The following NFAT5 variants were observed in gnomAD, a reference collection of about 807,000 sequenced individuals.
The protein encoded by NFAT5 is nuclear factor of activated T-cells 5.
NFAT5 carries 31 observed loss-of-function variants against 166.5 expected under a neutral mutation model. The observed-to-expected ratio is 0.19, with a 90% CI of 0.14 to 0.25. NFAT5 has a LOEUF of 0.25. Among genes scored for constraint, NFAT5 ranks in the 10% least tolerant of loss-of-function variants. The probability of loss-of-function intolerance (pLI) is 1.00; values close to 1 mark genes in which losing one functional copy is unlikely to be tolerated. For missense variants in NFAT5, 1,449 were observed against 1,821.8 expected (o/e 0.80, Z 3.72); for synonymous variants, 612 against 639.7 (o/e 0.96, Z 0.65).
chr16:69,675,999 C>A (rs1424223868), intron 9 of NFAT5, among the ~76,000 whole-genome samples: 1 of 152,122 alleles, frequency 6.6e-6, no homozygotes, highest in African/African-American at 2.4e-5. Context: ...GGCTCAGAAA[C>A]AAATTAAATT....
At chr16:69,621,548 T>C (rs1190943802) in intron 2 of NFAT5, among the ~76,000 whole-genome samples, 1 of 152,216 alleles carries the variant, frequency 6.6e-6, no homozygotes, top group Non-Finnish European at 1.5e-5. Flanking sequence ...CTTGTGTTTA[T>C]AAACCTGGAA....
intron 2 of NFAT5, among the ~76,000 whole-genome samples, chr16:69,601,468 A>G (rs541524329): frequency 6.8e-4 from 103 of 152,264 alleles, no homozygotes; most frequent in Non-Finnish European, 1.2e-3. Context: ...CCTGGGCTCA[A>G]GTGATTCTCC....
intron 7 of NFAT5, among the ~76,000 whole-genome samples, chr16:69,660,258 C>A (rs906882901): frequency 1.3e-5 from 2 of 151,936 alleles, no homozygotes; most frequent in African/African-American, 4.8e-5. Context: ...CCTGTCTCTA[C>A]AAAATAAAAA....
At chr16:69,676,065 T>G (rs1197112476) in intron 9 of NFAT5, among the ~76,000 whole-genome samples, 3 of 152,222 alleles carry the variant, frequency 2.0e-5, no homozygotes, top group Non-Finnish European at 4.4e-5. Flanking sequence ...TCTATTCAAC[T>G]GAGTCAACGA....
chr16:69,603,350 T>C (rs976229917), intron 2 of NFAT5, among the ~76,000 whole-genome samples: 2 of 152,196 alleles, frequency 1.3e-5, no homozygotes, highest in Non-Finnish European at 2.9e-5. Flanking sequence ...ACTGAAACTT[T>C]TATGATTATC....
Position 69,693,067 on chromosome 16 carries a change from A to G in NFAT5, c.3242A>G (p.Gln1081Arg). ...CTTCAATCTGGAAATTTTTTGCAGC[A>G]GTCTTCTCATTCACAGGCCCAACTT... ...MSLQSGNFLQ[Q>R]SSHSQAQLFH... Residue 1081 changes from glutamine to arginine, a missense_variant, in exon 13 of 15, where the codon CAG becomes CGG. Transcript: ENST00000349945. The G allele has an allele frequency of 6.2e-7, 1 of 1,613,994 alleles. No individual in the cohort carries two copies. Among genetic ancestry groups the G allele is most frequent in the East Asian group, 2.2e-5 (1 of 44,886 alleles).
At chr16:69,597,472 G>A (rs76482479) in intron 2 of NFAT5, among the ~76,000 whole-genome samples, 2 of 152,264 alleles carry the variant, frequency 1.3e-5, no homozygotes, top group East Asian at 3.9e-4. Context: ...GGTGAACTCT[G>A]GAGATCAGTT....
chr16:69,648,468 A>AT (rs1446978590), intron 4 of NFAT5: 3 of 984,148 alleles, frequency 3.0e-6, no homozygotes, highest in Non-Finnish European at 3.6e-6. Context: ...TAAATCACTC[A>AT]TTTTTTTTCT....
chr16:69,595,984 C>T (rs908310072), intron 2 of NFAT5, among the ~76,000 whole-genome samples: 32 of 152,138 alleles, frequency 2.1e-4, no homozygotes, highest in African/African-American at 7.2e-4. Context: ...CAGAAAATTT[C>T]ATCATGCTAC....
At position 69,694,384 on chromosome 16, in the gene NFAT5, A is replaced by G. The variant is rs1054171917; in HGVS notation, c.4414+145A>G. 24 of 656,534 alleles carry G rather than the reference A, an allele frequency of 3.7e-5. No individual in the cohort carries two copies. In the Admixed American group the frequency reaches 4.8e-4, roughly 13 times the overall value. 40.7% of individuals were successfully genotyped at this position (656,534 alleles called of 1,614,324 possible). A position where few individuals can be genotyped will look rare whatever the true frequency, so the allele number is the denominator to read the frequency against. ...ATTCTCCTGCCTCAGCCTCCCAAGC[A>G]GCTGGGATTACAGGTGTGCACAACC... On this transcript the variant is annotated intron_variant, in intron 13 of 14. Coordinates refer to ENST00000349945, the MANE Select transcript of NFAT5 (RefSeq NM_138713.4).
At chr16:69,655,838 T>G in intron 6 of NFAT5, 39 bp downstream of exon 6, 8 of 1,489,434 alleles carry the variant, frequency 5.4e-6, no homozygotes, top group Non-Finnish European at 7.3e-6. Context: ...TACATTACAC[T>G]CTTGTGTTAG....
rs2037914355 is a variant in NFAT5, at chr16:69,702,448, A to C, written c.*6097A>C. The C allele has an allele frequency of 6.6e-6, 1 of 152,236 alleles. No individual in the cohort carries two copies. The highest frequency in any genetic ancestry group is 1.5e-5 in the Non-Finnish European group (1 of 68,038). 9.4% of individuals were successfully genotyped at this position (152,236 alleles called of 1,614,324 possible). A position where few individuals can be genotyped will look rare whatever the true frequency, so the allele number is the denominator to read the frequency against. ...ACATGTTTGGGAATTCATTAAAACCAGTTGTCTATATATTTTGTGCCATGT... is the reference window on the plus strand; with the variant it reads ...ACATGTTTGGGAATTCATTAAAACCCGTTGTCTATATATTTTGTGCCATGT... On this transcript the variant is annotated 3_prime_UTR_variant, in exon 15 of 15. Coordinates refer to ENST00000349945, the MANE Select transcript of NFAT5 (RefSeq NM_138713.4).
chr16:69,669,405 C>T (rs761023225), intron 7 of NFAT5, among the ~76,000 whole-genome samples: 3 of 151,992 alleles, frequency 2.0e-5, no homozygotes, highest in Non-Finnish European at 4.4e-5. Flanking sequence ...ATTAGCTGGG[C>T]GTGGTAGTGT....
rs2016068268 is a variant in NFAT5 at position 69,566,714 on chromosome 16, G to C, written c.73+340G>C. On this transcript the variant is annotated intron_variant, in intron 1 of 14. Transcript: ENST00000349945. This position sits in a 1 kb window ranked among gnomAD's most constrained non-coding sequence, Gnocchi z 5.7. ...GCCGGCCCCGGCCTCCCGGGCTCGG[G>C]GATGGCCCCAGACTGGGCCCCGCGC... Among the ~76,000 whole-genome samples, 1 of 152,104 alleles carries C rather than the reference G, an allele frequency of 6.6e-6. No individual in the cohort carries two copies. Among genetic ancestry groups the C allele is most frequent in the Non-Finnish European group, 1.5e-5 (1 of 67,996 alleles).
Position 69,701,735 on chromosome 16 carries a change from A to T in NFAT5, c.*5384A>T, listed in dbSNP as rs1438736260. On this transcript the variant is annotated 3_prime_UTR_variant, in exon 15 of 15. Coordinates refer to ENST00000349945, the MANE Select transcript of NFAT5 (RefSeq NM_138713.4). ...GAAAGTGTTGAAAGCATTTTCTCTG[A>T]TGTTAATTAGATGGAAATAAATCAC... 1 of 152,192 alleles carries T rather than the reference A, an allele frequency of 6.6e-6. No homozygotes were observed. The highest frequency in any genetic ancestry group is 1.5e-5 in the Non-Finnish European group (1 of 68,028). 9.4% of individuals were successfully genotyped at this position (152,192 alleles called of 1,614,324 possible).
Position 69,647,242 on chromosome 16 carries a change from G to A in NFAT5, c.468G>A (p.Arg156=), listed in dbSNP as rs1372359943. Residue 156 remains arginine, a synonymous_variant, in exon 4 of 15, where the codon AGG becomes AGA. Coordinates refer to ENST00000349945, the MANE Select transcript of NFAT5 (RefSeq NM_138713.4). This position sits in a 1 kb window ranked among gnomAD's most constrained non-coding sequence, Gnocchi z 4.8. The part of the protein sequence containing the change: ...TVQQHPSTPK[R]HTVLYISPPP... ...AGCAGCATCCATCAACACCGAAGAG[G>A]CACACAGTCTTGTACATCTCACCAC... The A allele has an allele frequency of 5.0e-6, 8 of 1,614,034 alleles. No individual in the cohort carries two copies. The highest frequency in any genetic ancestry group is 6.8e-6 in the Non-Finnish European group (8 of 1,180,016).
At chr16:69,572,428 A>G (rs1365866501) in intron 2 of NFAT5, among the ~76,000 whole-genome samples, 1 of 150,244 alleles carries the variant, frequency 6.7e-6, no homozygotes, top group Non-Finnish European at 1.5e-5. Flanking sequence ...TCCATCTTTA[A>G]AGAACATGGT....
chr16:69,581,398 C>T (rs2031680658), intron 2 of NFAT5, among the ~76,000 whole-genome samples: 2 of 152,256 alleles, frequency 1.3e-5, no homozygotes, highest in East Asian at 3.9e-4. Flanking sequence ...CTGCTGTGAA[C>T]ATTCATGTAC....
intron 6 of NFAT5, among the ~76,000 whole-genome samples, chr16:69,656,078 A>C (rs951453805): frequency 6.6e-6 from 1 of 152,110 alleles, no homozygotes; most frequent in Non-Finnish European, 1.5e-5. Context: ...GTCAGGAGTT[A>C]GAGACCAGCC....
Sources: allele counts gnomAD v4.1 joint callset (sites outside exome capture counted in the v4.1 genomes callset), GRCh38; gene constraint gnomAD v4.1.1; non-coding constraint Gnocchi (gnomAD v3.1); transcripts MANE v1.5; gene names NCBI Gene and HGNC (gene_info 2026-07-23, HGNC 2026-07-21).